Variants in RBFOX1 observed in about 807,000 individuals in gnomAD.
RBFOX1 encodes the protein RNA binding fox-1 homolog 1.
Under a neutral mutation model 57.7 loss-of-function variants are expected in RBFOX1, and 8 were observed. The ratio of observed to expected loss-of-function variants is 0.14; its 90% CI spans 0.08 to 0.25. The LOEUF (loss-of-function observed/expected upper bound fraction) is 0.25, where lower values mean the gene tolerates loss of function less well. RBFOX1 is among the 10% of genes least tolerant of loss of function. The probability of loss-of-function intolerance (pLI) is 1.00; values close to 1 mark genes in which losing one functional copy is unlikely to be tolerated. For missense variants in RBFOX1, 611 were observed against 548.5 expected, an observed-to-expected ratio of 1.11 and a Z score of -1.14; for synonymous variants, 326 against 222.4, an observed-to-expected ratio of 1.47 and a Z score of -4.15.
chr16:7,051,709 A>G (rs1568549540), intron 3 of RBFOX1, among the ~76,000 whole-genome samples: 1 of 152,116 alleles, frequency 6.6e-6, no homozygotes, highest in Admixed American at 6.5e-5. Flanking sequence ...GAATTCTTGC[A>G]CCTGTGATAT....
At chr16:6,810,767 G>T (rs1255559048) in intron 3 of RBFOX1, among the ~76,000 whole-genome samples, 1 of 152,136 alleles carries the variant, frequency 6.6e-6, no homozygotes, top group Non-Finnish European at 1.5e-5. Context: ...AGAGCAGAGA[G>T]AACTGCGTCA....
chr16:5,887,838 G>A (rs1400629581), intron 4 of RBFOX1, among the ~76,000 whole-genome samples: 1 of 152,152 alleles, frequency 6.6e-6, no homozygotes, highest in South Asian at 2.1e-4. Flanking sequence ...GCTCTTTTTA[G>A]GAGAGAGATT....
At chr16:5,825,023 T>A (rs1306848538) in intron 3 of RBFOX1, among the ~76,000 whole-genome samples, 1 of 152,190 alleles carries the variant, frequency 6.6e-6, no homozygotes, top group African/African-American at 2.4e-5. Flanking sequence ...ATGATGTTTT[T>A]GCAAGCTTTC....
chr16:5,952,116 T>TAC (rs1257289234), intron 4 of RBFOX1, among the ~76,000 whole-genome samples: 40 of 150,604 alleles, frequency 2.7e-4, no homozygotes, highest in Admixed American at 2.2e-3. Context: ...CATATATGTA[T>TAC]ACACACACAC....
intron 3 of RBFOX1, among the ~76,000 whole-genome samples, chr16:6,863,934 C>G (rs1280936996): frequency 6.6e-6 from 1 of 151,276 alleles, no homozygotes; most frequent in East Asian, 1.9e-4. Context: ...ACTTTGTGCT[C>G]CCTCCTTCTT....
At chr16:6,237,044 A>G (rs2097510358) in intron 1 of RBFOX1, among the ~76,000 whole-genome samples, 1 of 152,198 alleles carries the variant, frequency 6.6e-6, no homozygotes, top group Non-Finnish European at 1.5e-5. Flanking sequence ...TTTAATGCAG[A>G]TAATTCCTCA....
At chr16:5,704,730 G>A (rs1027459614) in intron 3 of RBFOX1, among the ~76,000 whole-genome samples, 2 of 152,140 alleles carry the variant, frequency 1.3e-5, no homozygotes, top group African/African-American at 4.8e-5. Context: ...GCTCTCCCAG[G>A]ACCCCTCAAC....
chr16:6,019,176 G>C lies in RBFOX1; in HGVS notation c.-943G>C. 1 of 985,214 alleles carries C rather than the reference G, an allele frequency of 1.0e-6. No individual in the cohort carries two copies. Among genetic ancestry groups the C allele is most frequent in the Non-Finnish European group, 1.2e-6 (1 of 830,020 alleles). 61.0% of individuals were successfully genotyped at this position (985,214 alleles called of 1,614,324 possible). The stretch of plus-strand genomic sequence containing the variant: ...TTTCTAATCTATATTTTTACTGGAA[G>C]ATTTCCTCTTTATTCTCTCCCGCCC... On this transcript the variant is annotated 5_prime_UTR_variant, in exon 1 of 16. Transcript: ENST00000550418. This position sits in a 1 kb window ranked among gnomAD's most constrained non-coding sequence, Gnocchi z 4.2.
At chr16:6,626,567 C>T (rs2098311014) in intron 2 of RBFOX1, among the ~76,000 whole-genome samples, 1 of 152,156 alleles carries the variant, frequency 6.6e-6, no homozygotes, top group Non-Finnish European at 1.5e-5. Flanking sequence ...CGAGACCAGC[C>T]TGGCCAACAT....
chr16:6,382,582 G>C (rs2091914822), intron 2 of RBFOX1, among the ~76,000 whole-genome samples: 1 of 152,182 alleles, frequency 6.6e-6, no homozygotes. Context: ...TTTTAAGACT[G>C]GGTGCAGTGG....
intron 1 of RBFOX1, among the ~76,000 whole-genome samples, chr16:6,118,691 TCTTC>T (rs374833441): frequency 8.8e-5 from 13 of 147,762 alleles, no homozygotes; most frequent in Non-Finnish European, 1.5e-4. Flanking sequence ...TTCCTTCCTT[TCTTC>T]CTTCCTTCCT....
At chr16:5,967,152 C>A (rs978208571) in intron 4 of RBFOX1, among the ~76,000 whole-genome samples, 2 of 152,102 alleles carry the variant, frequency 1.3e-5, no homozygotes, top group Non-Finnish European at 2.9e-5. Context: ...GACCATCTGG[C>A]CCGCAAAGCC....
intron 4 of RBFOX1, among the ~76,000 whole-genome samples, chr16:5,913,855 C>T (rs1191991980): frequency 6.6e-6 from 1 of 152,180 alleles, no homozygotes; most frequent in Non-Finnish European, 1.5e-5. Flanking sequence ...TACCAGACAC[C>T]ATGCTGAGCA....
chr16:6,635,885 G>C (rs2098427081), intron 2 of RBFOX1, among the ~76,000 whole-genome samples: 1 of 152,010 alleles, frequency 6.6e-6, no homozygotes, highest in East Asian at 1.9e-4. Flanking sequence ...AGGTATTTTG[G>C]ATTTCAGATT....
chr16:5,997,732 C>G (rs2060515459), intron 4 of RBFOX1, among the ~76,000 whole-genome samples: 1 of 152,182 alleles, frequency 6.6e-6, no homozygotes, highest in Non-Finnish European at 1.5e-5. Flanking sequence ...CAAAATAAGC[C>G]TCATTCCCGT....
chr16:6,440,143 G>A (rs1047609126), intron 2 of RBFOX1, among the ~76,000 whole-genome samples: 4 of 151,806 alleles, frequency 2.6e-5, no homozygotes, highest in African/African-American at 4.8e-5. Context: ...CACCATGTTG[G>A]CCAGGCTGGT....
intron 3 of RBFOX1, among the ~76,000 whole-genome samples, chr16:7,003,345 A>T (rs2093004644): frequency 6.6e-6 from 1 of 152,028 alleles, no homozygotes; most frequent in Non-Finnish European, 1.5e-5. Flanking sequence ...TTGTAGTCCC[A>T]GCTACTCAGG....
chr16:7,038,681 C>G (rs2045254749), intron 3 of RBFOX1, among the ~76,000 whole-genome samples: 1 of 152,146 alleles, frequency 6.6e-6, no homozygotes, highest in Admixed American at 6.5e-5. Flanking sequence ...AGACTGCATT[C>G]TTGCAGAAAG....
chr16:6,511,134 G>T (rs902190657), intron 2 of RBFOX1, among the ~76,000 whole-genome samples: 3 of 152,156 alleles, frequency 2.0e-5, no homozygotes, highest in Non-Finnish European at 4.4e-5. Context: ...AAAGCCCAGT[G>T]TGCCTCCTGG....
Sources: allele counts gnomAD v4.1 joint callset (sites outside exome capture counted in the v4.1 genomes callset), GRCh38; gene constraint gnomAD v4.1.1; non-coding constraint Gnocchi (gnomAD v3.1); transcripts MANE v1.5; gene names NCBI Gene and HGNC (gene_info 2026-07-23, HGNC 2026-07-21).